Variants in HMGA1 observed in about 807,000 individuals in gnomAD.
The protein encoded by HMGA1 is high mobility group protein HMG-I/HMG-Y.
In HMGA1, 1 loss-of-function variant was observed where a neutral mutation model predicts 15.1. The ratio of observed to expected loss-of-function variants is 0.07; its 90% CI spans 0.02 to 0.31. HMGA1 has a LOEUF of 0.31. HMGA1 is among the 10% of genes least tolerant of loss of function. The probability of loss-of-function intolerance (pLI) is 1.00; values close to 1 mark genes in which losing one functional copy is unlikely to be tolerated. For missense variants in HMGA1, 94 were observed against 141.4 expected (o/e 0.66, Z 1.70); for synonymous variants, 56 against 54.8 (o/e 1.02, Z -0.10).
chr6:34,243,597 A>C lies in HMGA1; in HGVS notation c.270+79A>C, dbSNP rs1363200209. On this transcript the variant is annotated intron_variant, in intron 5 of 5. Transcript: ENST00000311487. ...TGTTGAGTACACAGTACCTGATGCTATGCACCCCCTATGGAAAGGCTCTCC... is the reference window on the plus strand; with the variant it reads ...TGTTGAGTACACAGTACCTGATGCTCTGCACCCCCTATGGAAAGGCTCTCC... 3 of 1,141,840 alleles carry C rather than the reference A, an allele frequency of 2.6e-6. No homozygotes were observed. The African/African-American group carries it at 4.6e-5, about 18-fold the overall frequency. 70.7% of individuals were successfully genotyped at this position (1,141,840 alleles called of 1,614,324 possible).
intron 3 of HMGA1, among the ~76,000 whole-genome samples, chr6:34,241,215 C>T (rs558610690): frequency 1.2e-4 from 18 of 152,290 alleles, no homozygotes; most frequent in Admixed American, 9.8e-4. Flanking sequence ...TTAAAACACT[C>T]GCCTTTTTCT....
At position 34,236,922 on chromosome 6, in the gene HMGA1, G is replaced by A. The variant is rs1243995989; in HGVS notation, c.-200G>A. 1 of 152,536 alleles carries A rather than the reference G, an allele frequency of 6.6e-6. No individual in the cohort carries two copies. Among genetic ancestry groups the A allele is most frequent in the East Asian group, 1.9e-4 (1 of 5,190 alleles). The allele number at this position is 152,536 out of a possible 1,614,324, so 9.4% of individuals were successfully genotyped here. A position where few individuals can be genotyped will look rare whatever the true frequency, so the allele number is the denominator to read the frequency against. On this transcript the variant is annotated 5_prime_UTR_variant, in exon 1 of 6. Transcript: ENST00000311487. The stretch of plus-strand genomic sequence containing the variant: ...GCTGCGCTCCTCTAATTGGGACTCC[G>A]AGCCGGGGCTATTTCTGGCGCTGGC...
chr6:34,241,127 G>A (rs1174848517), intron 3 of HMGA1, among the ~76,000 whole-genome samples: 2 of 152,158 alleles, frequency 1.3e-5, no homozygotes, highest in African/African-American at 2.4e-5. Flanking sequence ...ACCGGGGGCC[G>A]AGGAATTCAA....
In HMGA1 at chr6:34,246,186, T is replaced by G. The variant is rs1561881563; in HGVS notation, c.*1302T>G. 1 of 259,530 alleles carries G rather than the reference T, an allele frequency of 3.9e-6. No individual in the cohort carries two copies. The highest frequency in any genetic ancestry group is 5.9e-5 in the East Asian group (1 of 16,858). The allele number at this position is 259,530 out of a possible 1,614,324, so 16.1% of individuals were successfully genotyped here. ...TCCCAGCCTGGGGCTCCCTCTCTGG[T>G]TTCCTATTTGCAGTTACTTGAATAA... On this transcript the variant is annotated 3_prime_UTR_variant, in exon 6 of 6. Coordinates refer to ENST00000311487, the MANE Select transcript of HMGA1 (RefSeq NM_145899.3).
chr6:34,245,569 A>G lies in HMGA1; in HGVS notation c.*685A>G, dbSNP rs1762681613. ...CCCCTACTCCCTCTTCACTGTGGCC[A>G]CAGCCCCCTTGCCCTCCGCCTGGGA... is the stretch of plus-strand genomic sequence containing the variant. On this transcript the variant is annotated 3_prime_UTR_variant, in exon 6 of 6. Coordinates refer to ENST00000311487, the MANE Select transcript of HMGA1 (RefSeq NM_145899.3). 1 of 1,380,312 alleles carries G rather than the reference A, an allele frequency of 7.2e-7. No homozygotes were observed. The highest frequency in any genetic ancestry group is 9.7e-7 in the Non-Finnish European group (1 of 1,035,702). 85.5% of individuals were successfully genotyped at this position (1,380,312 alleles called of 1,614,324 possible).
intron 4 of HMGA1, among the ~76,000 whole-genome samples, chr6:34,243,098 C>T (rs956707340): frequency 1.3e-5 from 2 of 152,114 alleles, no homozygotes; most frequent in African/African-American, 4.8e-5. Flanking sequence ...CCTGCCAGTC[C>T]CTGGGCTGAG....
chr6:34,240,661 T>G (rs752595271), intron 2 of HMGA1, 76 bp from the exon 3 acceptor site: 1 of 1,181,044 alleles, frequency 8.5e-7, no homozygotes, highest in Admixed American at 1.9e-5. Flanking sequence ...CAGTGTGCCT[T>G]GAAGGTGTGG....
intron 4 of HMGA1, among the ~76,000 whole-genome samples, 192 bp from the exon 5 acceptor site, chr6:34,243,276 G>C (rs1762447874): frequency 6.6e-6 from 1 of 152,084 alleles, no homozygotes; most frequent in African/African-American, 2.4e-5. Context: ...GTGGGAGTAG[G>C]GGGCGTGTGT....
chr6:34,238,398 C>T lies in HMGA1; in HGVS notation c.-45+1081C>T, dbSNP rs1581790917. Reference sequence around the variant, plus strand: ...GCCGCTAGGCGGGTAGGCAAAGTGTCGGGTTGAAAGGGTCTCCGGGAACCT... The same window carrying T: ...GCCGCTAGGCGGGTAGGCAAAGTGTTGGGTTGAAAGGGTCTCCGGGAACCT... On this transcript the variant is annotated intron_variant, in intron 2 of 5. Coordinates refer to ENST00000311487, the MANE Select transcript of HMGA1 (RefSeq NM_145899.3). 2.0e-5 allele frequency among the ~76,000 whole-genome samples: 3 copies of T among 152,270 alleles called. No homozygotes were observed. In the South Asian group the frequency reaches 6.2e-4, roughly 32 times the overall value.
At chr6:34,238,282 C>T (rs952160081) in intron 2 of HMGA1, among the ~76,000 whole-genome samples, 2 of 152,118 alleles carry the variant, frequency 1.3e-5, no homozygotes, top group African/African-American at 2.4e-5. Context: ...CCCCGGGTCC[C>T]GCCGGCCGGC....
At chr6:34,244,737 A>G (rs1762590813) in intron 5 of HMGA1, 94 bp from the exon 6 acceptor site, 1 of 995,258 alleles carries the variant, frequency 1.0e-6, no homozygotes. Context: ...TCTTCAGGAG[A>G]GCCAGGGAGT....
intron 2 of HMGA1, among the ~76,000 whole-genome samples, chr6:34,237,949 C>T (rs1055890858): frequency 1.3e-5 from 2 of 152,136 alleles, no homozygotes; most frequent in Non-Finnish European, 2.9e-5. Flanking sequence ...CCTCTTCAGC[C>T]CCAGGGGCCG....
At chr6:34,243,708 C>T (rs1762483759) in intron 5 of HMGA1, among the ~76,000 whole-genome samples, 190 bp downstream of exon 5, 1 of 152,076 alleles carries the variant, frequency 6.6e-6, no homozygotes, top group Admixed American at 6.5e-5. Context: ...AGTGAGGGGT[C>T]CCAGGTATAA....
In HMGA1 at chr6:34,245,349, C is replaced by T; in HGVS notation, c.*465C>T. 7.3e-7 allele frequency: 1 copy of T among 1,360,580 alleles called. No homozygotes were observed. Among genetic ancestry groups the T allele is most frequent in the East Asian group, 3.4e-5 (1 of 29,276 alleles). The allele number at this position is 1,360,580 out of a possible 1,614,324, so 84.3% of individuals were successfully genotyped here. A position where few individuals can be genotyped will look rare whatever the true frequency, so the allele number is the denominator to read the frequency against. ...AAAAGGGGCCCAAGCCCCATCTCAT[C>T]CTGGCACGCCCTACTCCACTGCCCT... On this transcript the variant is annotated 3_prime_UTR_variant, in exon 6 of 6. Transcript: ENST00000311487.
chr6:34,245,786 C>G lies in HMGA1; in HGVS notation c.*902C>G, dbSNP rs1013080232. 2 of 428,064 alleles carry G rather than the reference C, an allele frequency of 4.7e-6. No individual in the cohort carries two copies. Among genetic ancestry groups the G allele is most frequent in the Non-Finnish European group, 8.9e-6 (2 of 224,206 alleles). The allele number at this position is 428,064 out of a possible 1,614,324, so 26.5% of individuals were successfully genotyped here. A position where few individuals can be genotyped will look rare whatever the true frequency, so the allele number is the denominator to read the frequency against. On this transcript the variant is annotated 3_prime_UTR_variant, in exon 6 of 6. Transcript: ENST00000311487. Reference sequence around the variant, plus strand: ...AGCTCACCCTGCCCGCTCCCAACCCCCCTCCTGCTCCTCCCTGCCCCCCAA... The same window carrying G: ...AGCTCACCCTGCCCGCTCCCAACCCGCCTCCTGCTCCTCCCTGCCCCCCAA...
chr6:34,240,567 C>A, intron 2 of HMGA1, 170 bp from the exon 3 acceptor site: 2 of 599,566 alleles, frequency 3.3e-6, no homozygotes, highest in Non-Finnish European at 5.9e-6. Context: ...CCTTCCCCGC[C>A]CTTGGCAGCA....
At chr6:34,244,686 A>C in intron 5 of HMGA1, 145 bp from the exon 6 acceptor site, 1 of 715,430 alleles carries the variant, frequency 1.4e-6, no homozygotes, top group Admixed American at 2.0e-5. Flanking sequence ...CGGGCCGTGG[A>C]GGTTGCTGAG....
chr6:34,243,741 T>C (rs773094779), intron 5 of HMGA1, among the ~76,000 whole-genome samples: 4 of 152,120 alleles, frequency 2.6e-5, no homozygotes, highest in African/African-American at 7.2e-5. Context: ...CCCCCTGCCC[T>C]GCCCTGCCCT....
chr6:34,240,651 C>T (rs759591077), intron 2 of HMGA1, 86 bp from the exon 3 acceptor site: 3 of 1,079,412 alleles, frequency 2.8e-6, no homozygotes, highest in South Asian at 1.3e-5. Context: ...CAGTTTTCTG[C>T]AGTGTGCCTT....
Sources: allele counts gnomAD v4.1 joint callset (sites outside exome capture counted in the v4.1 genomes callset), GRCh38; gene constraint gnomAD v4.1.1; transcripts MANE v1.5; gene names NCBI Gene and HGNC (gene_info 2026-07-23, HGNC 2026-07-21).